Variants in MAST4 observed in about 807,000 individuals in gnomAD.
MAST4 encodes microtubule-associated serine/threonine-protein kinase 4.
MAST4 carries 89 observed loss-of-function variants against 162.7 expected under a neutral mutation model. The observed-to-expected ratio is 0.55, with a 90% confidence interval of 0.46 to 0.65. The LOEUF (loss-of-function observed/expected upper bound fraction) is 0.65, where lower values mean the gene tolerates loss of function less well. Ranked by LOEUF, MAST4 falls within the 30% of genes least tolerant of loss-of-function variation. The pLI is 0.00. For synonymous variants in MAST4, 1,479 were observed against 1,361.1 expected, an observed-to-expected ratio of 1.09 and a Z score of -1.91; for missense variants, 3,153 against 3,374.0, an observed-to-expected ratio of 0.93 and a Z score of 1.62.
chr5:66,764,269 C>T (rs536539936), intron 2 of MAST4, among the ~76,000 whole-genome samples: 130 of 152,258 alleles, frequency 8.5e-4, no homozygotes, highest in South Asian at 2.7e-3. Flanking sequence ...CAGCAGCTAC[C>T]AAAGGCATCA....
chr5:66,682,573 T>C (rs1451898557), intron 1 of MAST4, among the ~76,000 whole-genome samples: 1 of 152,186 alleles, frequency 6.6e-6, no homozygotes, highest in Non-Finnish European at 1.5e-5. Flanking sequence ...TCCTTAGAAC[T>C]GTTATGTTAG....
intron 3 of MAST4, among the ~76,000 whole-genome samples, chr5:66,811,262 C>T (rs947171793): frequency 1.3e-5 from 2 of 152,186 alleles, no homozygotes; most frequent in Non-Finnish European, 2.9e-5. Flanking sequence ...CGGCTTATGG[C>T]CACATGTAGC....
chr5:67,137,879 G>T (rs1769867679), intron 19 of MAST4, among the ~76,000 whole-genome samples: 1 of 152,196 alleles, frequency 6.6e-6, no homozygotes, highest in South Asian at 2.1e-4. Context: ...AATGTTTACT[G>T]TTTTGCCCTT....
In MAST4 at chr5:67,149,669, A is replaced by G. The variant is rs1771567435; in HGVS notation, c.3295+80A>G. 8 of 1,370,416 alleles carry G rather than the reference A, an allele frequency of 5.8e-6. No homozygotes were observed. In the South Asian group the frequency reaches 8.6e-5, roughly 15 times the overall value. The allele number at this position is 1,370,416 out of a possible 1,614,324, so 84.9% of individuals were successfully genotyped here. A position where few individuals can be genotyped will look rare whatever the true frequency, so the allele number is the denominator to read the frequency against. On this transcript the variant is annotated intron_variant, in intron 24 of 28. Coordinates refer to ENST00000403625, the MANE Select transcript of MAST4 (RefSeq NM_001164664.2). ...CTCCTCTCCCAATTTGGAATGCTGA[A>G]TGAGATGCAAGATTGCTTGAAGTAA...
At chr5:67,097,156 T>C (rs754497147) in intron 7 of MAST4, among the ~76,000 whole-genome samples, 21 of 152,310 alleles carry the variant, frequency 1.4e-4, no homozygotes, top group Admixed American at 4.6e-4. Flanking sequence ...ATTTGTATTC[T>C]TTCCATCTTT....
At chr5:66,879,640 G>A (rs959172081) in intron 3 of MAST4, among the ~76,000 whole-genome samples, 1 of 152,122 alleles carries the variant, frequency 6.6e-6, no homozygotes, top group African/African-American at 2.4e-5. Flanking sequence ...AGCCTTCTGA[G>A]TAGCTAGGAC....
chr5:67,158,257 A>G (rs1472372075), intron 26 of MAST4, among the ~76,000 whole-genome samples: 1 of 152,220 alleles, frequency 6.6e-6, no homozygotes, highest in African/African-American at 2.4e-5. Flanking sequence ...ATAAAGGTTT[A>G]TTTTTAATGT....
Position 67,078,324 on chromosome 5 carries a change from C to T in MAST4, c.764-11838C>T, listed in dbSNP as rs1478198392. 7.4e-4 allele frequency among the ~76,000 whole-genome samples: 106 copies of T among 143,466 alleles called. 2 individuals are homozygous for T. The highest frequency in any genetic ancestry group is 3.6e-4 in the Non-Finnish European group (24 of 66,510). 94.1% of individuals were successfully genotyped at this position (143,466 alleles called of 152,430 possible). On this transcript the variant is annotated intron_variant, in intron 5 of 28. Coordinates refer to ENST00000403625, the MANE Select transcript of MAST4 (RefSeq NM_001164664.2). ...AGTCTTCAATATATTGACAGGGTTG[C>T]CTTGATGTGAAAAAAAAAAAAAAGT...
chr5:66,609,417 C>T (rs1261644176), intron 1 of MAST4, among the ~76,000 whole-genome samples: 8 of 136,848 alleles, frequency 5.8e-5, no homozygotes, highest in African/African-American at 2.3e-4. Context: ...TTTGAGACAG[C>T]CTGGCTCTGT....
intron 4 of MAST4, among the ~76,000 whole-genome samples, chr5:67,048,828 C>T (rs1757690433): frequency 6.6e-6 from 1 of 151,066 alleles, no homozygotes; most frequent in South Asian, 2.1e-4. Context: ...TCCCAGGGAT[C>T]GTCTGCTATA....
chr5:67,090,164 A>G lies in MAST4; in HGVS notation c.766A>G (p.Asn256Asp). The change falls in exon 6 of 29, where the codon AAT becomes GAT. Residue 256 changes from asparagine to aspartate, a missense_variant and splice_region_variant. Physicochemically the swap from Asn to Asp is conservative, Grantham distance 23. Coordinates refer to ENST00000403625, the MANE Select transcript of MAST4 (RefSeq NM_001164664.2). ...PHSPLSAHAG[N>D]SPQDSPRNFS... ...TTCTCTCTTTTCTCTTTCTCTAGGA[A>G]ATAGCCCTCAAGATAGTCCAAGAAA... 1.9e-6 allele frequency: 3 copies of G among 1,607,486 alleles called. No individual in the cohort carries two copies. In the South Asian group the frequency reaches 3.3e-5, roughly 18 times the overall value.
intron 4 of MAST4, among the ~76,000 whole-genome samples, chr5:66,965,607 G>T (rs960772740): frequency 6.9e-6 from 1 of 145,630 alleles, no homozygotes; most frequent in Non-Finnish European, 1.5e-5. Context: ...GGCGGTGAAG[G>T]ATAAAACCAG....
intron 4 of MAST4, among the ~76,000 whole-genome samples, chr5:66,958,149 AAG>A (rs887709783): frequency 4.6e-5 from 7 of 150,728 alleles, no homozygotes; most frequent in South Asian, 2.1e-4. Context: ...GTGAAAGAGA[AAG>A]AGAGAGAGAG....
intron 3 of MAST4, among the ~76,000 whole-genome samples, chr5:66,822,667 G>C (rs953281208): frequency 6.6e-6 from 1 of 152,094 alleles, no homozygotes; most frequent in South Asian, 2.1e-4. Context: ...GCCCTGCTGC[G>C]TTTCTCTCTT....
intron 3 of MAST4, among the ~76,000 whole-genome samples, chr5:66,818,920 TTTTC>T (rs1756861583): frequency 1.3e-5 from 2 of 152,226 alleles, no homozygotes; most frequent in Non-Finnish European, 2.9e-5. Flanking sequence ...GACCGGTCTC[TTTTC>T]TTTCTACTTC....
intron 5 of MAST4, among the ~76,000 whole-genome samples, chr5:67,086,167 T>A (rs973367047): frequency 9.9e-5 from 15 of 152,030 alleles, no homozygotes; most frequent in Non-Finnish European, 1.9e-4. Context: ...CCACCAGGAG[T>A]TTAAATAGCA....
chr5:66,642,344 C>A (rs1164525086), intron 1 of MAST4, among the ~76,000 whole-genome samples: 1 of 152,100 alleles, frequency 6.6e-6, no homozygotes, highest in Non-Finnish European at 1.5e-5. Context: ...GAAGGAGGAA[C>A]CTCAACATTA....
intron 3 of MAST4, among the ~76,000 whole-genome samples, chr5:66,830,798 T>C (rs1361967098): frequency 6.6e-6 from 1 of 152,240 alleles, no homozygotes; most frequent in Non-Finnish European, 1.5e-5. Flanking sequence ...CACATGTCAC[T>C]GTAGAGTTCA....
intron 1 of MAST4, among the ~76,000 whole-genome samples, chr5:66,679,117 A>C (rs1040261759): frequency 7.9e-5 from 12 of 152,160 alleles, no homozygotes; most frequent in Non-Finnish European, 1.3e-4. Flanking sequence ...TTTGTCAATT[A>C]TACCTTAATA....
Sources: allele counts gnomAD v4.1 joint callset (sites outside exome capture counted in the v4.1 genomes callset), GRCh38; gene constraint gnomAD v4.1.1; transcripts MANE v1.5; gene names NCBI Gene and HGNC (gene_info 2026-07-23, HGNC 2026-07-21).